Variants in DDX46 observed in about 807,000 individuals in gnomAD.
DDX46 encodes the protein DEAD-box helicase 46, also known as probable ATP-dependent RNA helicase DDX46.
In DDX46, 30 loss-of-function variants were observed where a neutral mutation model predicts 134.9. The observed-to-expected ratio is 0.22, with a 90% CI of 0.17 to 0.30. DDX46 has a LOEUF of 0.30. Among genes scored for constraint, DDX46 ranks in the 10% least tolerant of loss-of-function variants. The pLI is 1.00. For synonymous variants in DDX46, 415 were observed against 404.1 expected, an observed-to-expected ratio of 1.03 and a Z score of -0.32; for missense variants, 622 against 1,248.7, an observed-to-expected ratio of 0.50 and a Z score of 7.56.
At chr5:134,779,541 G>A (rs1004187926) in intron 6 of DDX46, among the ~76,000 whole-genome samples, 1 of 151,828 alleles carries the variant, frequency 6.6e-6, no homozygotes, top group East Asian at 1.9e-4. Flanking sequence ...ACAGGGTCTC[G>A]CTGTGTTACC....
rs760905547 is a variant in DDX46 at position 134,782,046 on chromosome 5, C to G, written c.1005C>G (p.Phe335Leu). The G allele has an allele frequency of 6.3e-7, 1 of 1,595,170 alleles. No individual in the cohort carries two copies. Among genetic ancestry groups the G allele is most frequent in the Non-Finnish European group, 8.5e-7 (1 of 1,176,124 alleles). Residue 335 changes from phenylalanine (F) to leucine (L), a missense_variant, in exon 8 of 23, where the codon TTC becomes TTG. Physicochemically the swap from Phe to Leu is conservative, Grantham distance 22. This residue lies in a region of DDX46 where 63 missense variants were observed against 84.0 expected (regional missense o/e 0.75). Coordinates refer to ENST00000452510, the MANE Select transcript of DDX46 (RefSeq NM_001300860.2). ...KIEYEPFRKNFYVEVPELAKM... is the reference protein window; with the variant it reads ...KIEYEPFRKNLYVEVPELAKM... ...AGTATGAGCCATTTAGGAAAAACTT[C>G]TATGTTGAAGTTCCAGAACTAGCAA...
At chr5:134,802,368 G>T (rs1754857101) in intron 15 of DDX46, among the ~76,000 whole-genome samples, 2 of 151,758 alleles carry the variant, frequency 1.3e-5, no homozygotes, top group African/African-American at 2.4e-5. Flanking sequence ...CATCATGTTG[G>T]TCAGGCTGGT....
At chr5:134,779,203 A>AT (rs988892907) in intron 6 of DDX46, among the ~76,000 whole-genome samples, 2 of 145,576 alleles carry the variant, frequency 1.4e-5, no homozygotes, top group African/African-American at 2.6e-5. Context: ...GTCCTATTTT[A>AT]TTTTTTTTGA....
rs924541042 is a variant in DDX46, at chr5:134,785,915, C to A, written c.1464+329C>A. 2.6e-5 allele frequency among the ~76,000 whole-genome samples: 4 copies of A among 151,730 alleles called. No homozygotes were observed. In the South Asian group the frequency reaches 8.3e-4, roughly 32 times the overall value. ...ACAGGCTGGAGTACAGTGGCGCGATCTCGGCTCACTGCAACCTCTGCCTCC... is the reference window on the plus strand; with the variant it reads ...ACAGGCTGGAGTACAGTGGCGCGATATCGGCTCACTGCAACCTCTGCCTCC... On this transcript the variant is annotated intron_variant, in intron 11 of 22. Transcript: ENST00000452510.
At chr5:134,800,658 C>T (rs1017907462) in intron 15 of DDX46, among the ~76,000 whole-genome samples, 4 of 152,038 alleles carry the variant, frequency 2.6e-5, no homozygotes, top group African/African-American at 9.6e-5. Context: ...GGCAACCACT[C>T]GTGTGTGTTT....
chr5:134,771,337 C>T (rs1031351088), intron 4 of DDX46, among the ~76,000 whole-genome samples: 1 of 148,738 alleles, frequency 6.7e-6, no homozygotes, highest in African/African-American at 2.5e-5. Context: ...TTGTGATCCC[C>T]CTGCCTCGGA....
chr5:134,776,869 G>A (rs1306109411), intron 5 of DDX46, among the ~76,000 whole-genome samples: 2 of 148,442 alleles, frequency 1.3e-5, no homozygotes, highest in South Asian at 2.1e-4. Flanking sequence ...AGCTGAGATC[G>A]CGACACTGCA....
chr5:134,795,511 CGTT>C (rs1403248136), intron 14 of DDX46, among the ~76,000 whole-genome samples: 21 of 152,180 alleles, frequency 1.4e-4, no homozygotes, highest in Admixed American at 9.8e-4. Context: ...TAAAATAAAA[CGTT>C]GTTTTAGTTT....
At chr5:134,797,913 A>T (rs1754714540) in intron 15 of DDX46, among the ~76,000 whole-genome samples, 1 of 151,388 alleles carries the variant, frequency 6.6e-6, no homozygotes, top group Non-Finnish European at 1.5e-5. Flanking sequence ...CCCACGTTCA[A>T]GTGATTCTCC....
At chr5:134,788,917 A>AT (rs933165322) in intron 12 of DDX46, among the ~76,000 whole-genome samples, 2 of 151,938 alleles carry the variant, frequency 1.3e-5, no homozygotes. Flanking sequence ...GCAATTTAAA[A>AT]TTTTTTTTCA....
At chr5:134,800,365 C>T (rs1187306618) in intron 15 of DDX46, among the ~76,000 whole-genome samples, 8 of 152,178 alleles carry the variant, frequency 5.3e-5, no homozygotes, top group African/African-American at 1.9e-4. Flanking sequence ...TTTCTTTTAG[C>T]ATATGCCTTT....
chr5:134,815,706 CAAAAAAAAAAAAA>C (rs374562980), intron 18 of DDX46, among the ~76,000 whole-genome samples: 6 of 28,706 alleles, frequency 2.1e-4, no homozygotes, highest in Non-Finnish European at 3.0e-4. Flanking sequence ...GACTCTGTCT[CAAAAAAAAAAAAA>C]AAAAAAAAAA....
At chr5:134,820,241 C>A (rs1346075289) in intron 21 of DDX46, among the ~76,000 whole-genome samples, 2 of 152,158 alleles carry the variant, frequency 1.3e-5, no homozygotes, top group Non-Finnish European at 2.9e-5. Context: ...TATTTAACAT[C>A]TTTGTTATTG....
In DDX46 at chr5:134,817,624, A is replaced by G. The variant is rs756297179; in HGVS notation, c.2742A>G (p.Leu914=). The G allele has an allele frequency of 1.9e-6, 3 of 1,614,202 alleles. No individual in the cohort carries two copies. In the South Asian group the frequency reaches 3.3e-5, roughly 18 times the overall value. Residue 914 remains leucine (L), a synonymous_variant, in exon 20 of 23, where the codon TTA becomes TTG. Transcript: ENST00000452510. Reference sequence around the variant, plus strand: ...ATGCCAAGCTCAATTATGTGCCGTTAGAGAAACAAGAAGAAGAGAGACAGG... The same window carrying G: ...ATGCCAAGCTCAATTATGTGCCGTTGGAGAAACAAGAAGAAGAGAGACAGG... ...KINAKLNYVP[L]EKQEEERQDG...
At chr5:134,816,676 T>C in intron 19 of DDX46, 70 bp downstream of exon 19, 9 of 1,454,668 alleles carry the variant, frequency 6.2e-6, no homozygotes, top group Admixed American at 2.0e-5. Context: ...TCAGGAATTA[T>C]GTTGAACACA....
chr5:134,775,727 C>T (rs1406013953), intron 5 of DDX46, among the ~76,000 whole-genome samples: 1 of 152,116 alleles, frequency 6.6e-6, no homozygotes, highest in African/African-American at 2.4e-5. Flanking sequence ...CGCCTGACCT[C>T]GTGATCCACC....
chr5:134,767,865 G>A (rs1415962166), intron 3 of DDX46, among the ~76,000 whole-genome samples: 1 of 151,310 alleles, frequency 6.6e-6, no homozygotes, highest in South Asian at 2.1e-4. Flanking sequence ...CCGGAGAATC[G>A]CTTGAACCCA....
Position 134,765,531 on chromosome 5 carries a change from C to T in DDX46, c.207-1386C>T, listed in dbSNP as rs138431184. Among the ~76,000 whole-genome samples, 1,298 of 151,826 alleles carry T rather than the reference C, an allele frequency of 8.5e-3. 18 individuals are homozygous for T. Among genetic ancestry groups the T allele is most frequent in the African/African-American group, 0.028 (1,157 of 41,388 alleles). On this transcript the variant is annotated intron_variant, in intron 2 of 22. Coordinates refer to ENST00000452510, the MANE Select transcript of DDX46 (RefSeq NM_001300860.2). ...TGGTGCCACTGTACTCCAGCCTGGG[C>T]GACAGATCAGGACTCCATCTCAAAA...
At position 134,829,888 on chromosome 5, in the gene DDX46, C is replaced by T. The variant is rs1180054641; in HGVS notation, c.*1182C>T. Reference sequence around the variant, plus strand: ...CAGAAGAATCTGAGCCAAGATAACACCATTGCACTCCAGCCTGGGCGACAG... The same window carrying T: ...CAGAAGAATCTGAGCCAAGATAACATCATTGCACTCCAGCCTGGGCGACAG... On this transcript the variant is annotated 3_prime_UTR_variant, in exon 23 of 23. Coordinates refer to ENST00000452510, the MANE Select transcript of DDX46 (RefSeq NM_001300860.2). The T allele has an allele frequency of 1.3e-5, 2 of 149,906 alleles. No individual in the cohort carries two copies. Among genetic ancestry groups the T allele is most frequent in the African/African-American group, 5.0e-5 (2 of 39,608 alleles). The allele number at this position is 149,906 out of a possible 1,614,324, so 9.3% of individuals were successfully genotyped here. A position where few individuals can be genotyped will look rare whatever the true frequency, so the allele number is the denominator to read the frequency against.
Sources: gnomAD v4.1 joint callset for allele counts (sites outside exome capture counted in the v4.1 genomes callset) on GRCh38, gnomAD v4.1.1 for gene constraint, gnomAD v4.1.1 regional missense constraint, MANE v1.5 for transcripts, NCBI Gene and HGNC (gene_info 2026-07-23, HGNC 2026-07-21) for gene names.